Variants in PPFIBP2 observed in about 807,000 individuals in gnomAD.
The protein encoded by PPFIBP2 is liprin-beta-2.
PPFIBP2 carries 118 observed loss-of-function variants against 118.3 expected under a neutral mutation model. The observed-to-expected ratio is 1.00, with a 90% CI of 0.86 to 1.16. The LOEUF (loss-of-function observed/expected upper bound fraction) is 1.16. Ranked by LOEUF, PPFIBP2 falls within the 50% of genes most tolerant of loss-of-function variation. The probability of loss-of-function intolerance (pLI) is 0.00; values close to 1 mark genes in which losing one functional copy is unlikely to be tolerated. For synonymous variants in PPFIBP2, 414 were observed against 397.4 expected, an observed-to-expected ratio of 1.04 and a Z score of -0.50; for missense variants, 1,195 against 1,073.1, an observed-to-expected ratio of 1.11 and a Z score of -1.59.
At chr11:7,601,489 G>A (rs190349370) in intron 5 of PPFIBP2, among the ~76,000 whole-genome samples, 1 of 152,252 alleles carries the variant, frequency 6.6e-6, no homozygotes, top group Admixed American at 6.5e-5. Flanking sequence ...ACTGCTACAA[G>A]CAGACAGCTA....
rs115129397 is a variant in PPFIBP2, at chr11:7,514,402, A to C, written c.-37+281A>C. On this transcript the variant is annotated intron_variant, in intron 1 of 23. Coordinates refer to ENST00000299492, the MANE Select transcript of PPFIBP2 (RefSeq NM_003621.5). ...ATCCGCGGACAGTCCGCACTCCTGC[A>C]GGTGCCAGCGTGGCCCTGGAGATGC... 6.1e-3 allele frequency among the ~76,000 whole-genome samples: 935 copies of C among 152,312 alleles called. 13 individuals carry two copies. The highest frequency in any genetic ancestry group is 0.022 in the African/African-American group (894 of 41,580).
intron 2 of PPFIBP2, among the ~76,000 whole-genome samples, chr11:7,561,768 C>T (rs1477942405): frequency 6.6e-6 from 1 of 152,142 alleles, no homozygotes; most frequent in Non-Finnish European, 1.5e-5. Flanking sequence ...CAATAATAAA[C>T]ATTTATCATC....
intron 11 of PPFIBP2, 52 bp from the exon 12 acceptor site, chr11:7,632,815 G>A (rs374140158): frequency 3.7e-5 from 53 of 1,422,922 alleles, no homozygotes; most frequent in South Asian, 2.3e-5. Context: ...AAGATGGTGG[G>A]TGGTCCCCAA....
At chr11:7,656,929 G>A (rs920063157), downstream of PPFIBP2, 119 of 604,566 alleles carry the variant, frequency 2.0e-4, no homozygotes, top group Non-Finnish European at 3.1e-4. Flanking sequence ...ACAGGCTGCT[G>A]ACAGGCATGA....
intron 2 of PPFIBP2, among the ~76,000 whole-genome samples, chr11:7,562,045 G>C (rs919600610): frequency 6.6e-6 from 1 of 152,214 alleles, no homozygotes; most frequent in Non-Finnish European, 1.5e-5. Context: ...CTGATAAGGA[G>C]TGAGCAACCT....
intron 17 of PPFIBP2, among the ~76,000 whole-genome samples, chr11:7,646,730 A>C (rs1853123314): frequency 1.3e-5 from 2 of 152,182 alleles, no homozygotes; most frequent in South Asian, 4.1e-4. Context: ...ATCTCTAAAA[A>C]TAATTAATTA....
At chr11:7,592,833 C>T (rs979599475) in intron 3 of PPFIBP2, among the ~76,000 whole-genome samples, 1 of 152,214 alleles carries the variant, frequency 6.6e-6, no homozygotes, top group Non-Finnish European at 1.5e-5. Context: ...AACCCAGACC[C>T]AGCATGTCAA....
At chr11:7,516,660 C>G (rs1237438996) in intron 1 of PPFIBP2, among the ~76,000 whole-genome samples, 1 of 152,122 alleles carries the variant, frequency 6.6e-6, no homozygotes, top group Non-Finnish European at 1.5e-5. Flanking sequence ...TTTATAGTTT[C>G]CTGTAAACAA....
chr11:7,535,207 C>G (rs1410115272), intron 1 of PPFIBP2, among the ~76,000 whole-genome samples: 1 of 152,198 alleles, frequency 6.6e-6, no homozygotes, highest in East Asian at 1.9e-4. Flanking sequence ...GAGCCCATGT[C>G]TCAGCCAAGA....
At position 7,618,194 on chromosome 11, in the gene PPFIBP2, CA is replaced by C. The variant is rs554138718; in HGVS notation, c.619-2740del. Among the ~76,000 whole-genome samples, 52 of 152,180 alleles carry C rather than the reference CA, an allele frequency of 3.4e-4. No individual in the cohort carries two copies. The South Asian group carries it at 3.7e-3, about 11-fold the overall frequency. ...AAAGATTTCCTGCTGCATTAAAGGA[CA>C]GCGGGGAAATAGGAAAGTCAAGATG... On this transcript the variant is annotated intron_variant, in intron 6 of 23. Coordinates refer to ENST00000299492, the MANE Select transcript of PPFIBP2 (RefSeq NM_003621.5).
chr11:7,586,822 G>A (rs1382638950), intron 3 of PPFIBP2, among the ~76,000 whole-genome samples: 2 of 152,204 alleles, frequency 1.3e-5, no homozygotes, highest in African/African-American at 4.8e-5. Flanking sequence ...GGGGAACAGG[G>A]AACCCAGAGC....
intron 13 of PPFIBP2, 136 bp downstream of exon 13, chr11:7,634,688 T>A (rs1259740148): frequency 1.3e-5 from 9 of 696,494 alleles, no homozygotes; most frequent in Admixed American, 2.6e-5. Context: ...AGGAATTACA[T>A]GAACATTTTG....
At chr11:7,644,732 A>G (rs1024090431) in intron 17 of PPFIBP2, among the ~76,000 whole-genome samples, 1 of 152,096 alleles carries the variant, frequency 6.6e-6, no homozygotes, top group Non-Finnish European at 1.5e-5. Flanking sequence ...ATTTTGCCTA[A>G]AAAAGGTATT....
At chr11:7,612,866 C>G (rs1848224412) in intron 6 of PPFIBP2, among the ~76,000 whole-genome samples, 1 of 152,340 alleles carries the variant, frequency 6.6e-6, no homozygotes, top group African/African-American at 2.4e-5. Flanking sequence ...TTGTGAGTGT[C>G]TGGAGCAACC....
chr11:7,541,081 C>T (rs1187151678), intron 1 of PPFIBP2, among the ~76,000 whole-genome samples: 2 of 152,198 alleles, frequency 1.3e-5, no homozygotes, highest in East Asian at 1.9e-4. Flanking sequence ...CTGAGGCTGT[C>T]TAAGCAAAAG....
At chr11:7,566,012 G>A (rs1854927088) in intron 3 of PPFIBP2, among the ~76,000 whole-genome samples, 1 of 149,596 alleles carries the variant, frequency 6.7e-6, no homozygotes, top group Admixed American at 6.6e-5. Flanking sequence ...GAAATCCAGG[G>A]CCAGAGAAGG....
rs1324692939 is a variant in PPFIBP2, at chr11:7,641,594, C to T, written c.1491C>T (p.Pro497=). ...SPLTPDGKRN[P]KGIKKFWGKI... is the part of the protein sequence containing the mutation. ...TGACACCAGATGGTAAACGGAATCC[C>T]AAAGGCATTAAGAAGTTCTGGGGAA... is the stretch of plus-strand genomic sequence containing the variant. Residue 497 remains proline (P), a synonymous_variant, in exon 16 of 24, where the codon CCC becomes CCT. Transcript: ENST00000299492. 1 of 1,614,028 alleles carries T rather than the reference C, an allele frequency of 6.2e-7. No homozygotes were observed. The highest frequency in any genetic ancestry group is 8.5e-7 in the Non-Finnish European group (1 of 1,179,896).
intron 7 of PPFIBP2, among the ~76,000 whole-genome samples, chr11:7,624,650 C>A (rs1202620065): frequency 6.6e-6 from 1 of 152,198 alleles, no homozygotes; most frequent in Non-Finnish European, 1.5e-5. Flanking sequence ...GATGCTCATC[C>A]CTTTTCTTAC....
intron 3 of PPFIBP2, among the ~76,000 whole-genome samples, chr11:7,586,141 G>T (rs1033561757): frequency 1.3e-5 from 2 of 152,120 alleles, no homozygotes; most frequent in African/African-American, 4.8e-5. Context: ...TGTCACAGAG[G>T]CTTTCTTTTT....
Sources: allele counts gnomAD v4.1 joint callset (sites outside exome capture counted in the v4.1 genomes callset), GRCh38; gene constraint gnomAD v4.1.1; transcripts MANE v1.5; gene names NCBI Gene and HGNC (gene_info 2026-07-23, HGNC 2026-07-21).